GMPPB: variants seen among roughly 807,000 people sequenced by gnomAD.
GMPPB encodes mannose-1-phosphate guanylyltransferase catalytic subunit beta.
Under a neutral mutation model 40.3 loss-of-function variants are expected in GMPPB, and 38 were observed. The ratio of observed to expected loss-of-function variants is 0.94; its 90% CI spans 0.73 to 1.24. The LOEUF is 1.24. GMPPB is among the 50% of genes most tolerant of loss of function. The pLI is 0.00. For missense variants in GMPPB, 436 were observed against 487.1 expected (o/e 0.90, Z 0.99); for synonymous variants, 193 against 191.8 (o/e 1.01, Z -0.05).
chr3:49,721,307 C>A lies in GMPPB; in HGVS notation c.*445G>T, dbSNP rs2080401613. 6.2e-7 allele frequency: 1 copy of A among 1,614,164 alleles called. No homozygotes were observed. Among genetic ancestry groups the A allele is most frequent in the Non-Finnish European group, 8.5e-7 (1 of 1,180,014 alleles). On this transcript the variant is annotated 3_prime_UTR_variant, in exon 9 of 9. Transcript: ENST00000308388. ...AGTACTACCTCCTCAGCTGCCTAGC[C>A]CTCACAGCCTGTGCCATCCTGGAAC...
chr3:49,721,789 A>G lies in GMPPB; in HGVS notation c.1046T>C (p.Ile349Thr). The G allele has an allele frequency of 6.2e-7, 1 of 1,611,204 alleles. No individual in the cohort carries two copies. Among genetic ancestry groups the G allele is most frequent in the Non-Finnish European group, 8.5e-7 (1 of 1,179,786 alleles). The change falls in exon 9 of 9, where the codon ATT becomes ACT. Residue 349 changes from isoleucine to threonine, a missense_variant. Physicochemically the swap from Ile to Thr is moderately conservative, Grantham distance 89 (BLOSUM62 -1). Transcript: ENST00000308388. ...ACGAGGCTCTGGCACTGACTCGCCAATAGACTTGTGGGGCAGCACGCTGGC... is the reference window on the plus strand; with the variant it reads ...ACGAGGCTCTGGCACTGACTCGCCAGTAGACTTGTGGGGCAGCACGCTGGC... ...NGASVLPHKS[I>T]GESVPEPRII...
rs1041154706 is a variant in GMPPB at position 49,721,633 on chromosome 3, C to G, written c.*119G>C. The G allele has an allele frequency of 3.9e-6, 4 of 1,019,290 alleles. No individual in the cohort carries two copies. The highest frequency in any genetic ancestry group is 5.9e-6 in the Non-Finnish European group (4 of 681,362). 63.1% of individuals were successfully genotyped at this position (1,019,290 alleles called of 1,614,324 possible). A position where few individuals can be genotyped will look rare whatever the true frequency, so the allele number is the denominator to read the frequency against. ...TGAGAAGGCAGGTGTCCAACAGCTT[C>G]AGCTTCACCCAGTGCCCCCCAGACA... On this transcript the variant is annotated 3_prime_UTR_variant, in exon 9 of 9. Coordinates refer to ENST00000308388, the MANE Select transcript of GMPPB (RefSeq NM_021971.4).
chr3:49,722,038 C>G lies in GMPPB; in HGVS notation c.878G>C (p.Arg293Pro), dbSNP rs748809549. Residue 293 changes from arginine to proline, a missense_variant, in exon 8 of 9, where the codon CGG (arginine) becomes CCG (proline). Arg to Pro is a moderately radical substitution (Grantham distance 103). Coordinates refer to ENST00000308388, the MANE Select transcript of GMPPB (RefSeq NM_021971.4). ...GVCIRRCTVL[R>P]DARIRSHSWL... The stretch of plus-strand genomic sequence containing the variant: ...GGAATGGGAACGGATCCGGGCATCC[C>G]GCAGCACCGTGCACCGCCGGATACA... 3 of 1,613,470 alleles carry G rather than the reference C, an allele frequency of 1.9e-6. No individual in the cohort carries two copies. The African/African-American group carries it at 4.0e-5, about 22-fold the overall frequency.
At chr3:49,722,889 C>T (rs2080439789) in intron 4 of GMPPB, 83 bp downstream of exon 4, 5 of 1,535,912 alleles carry the variant, frequency 3.3e-6, no homozygotes, top group African/African-American at 1.4e-5. Context: ...CCATAACATC[C>T]GAAGGCAGAT....
In GMPPB at chr3:49,721,408, C is replaced by G; in HGVS notation, c.*344G>C. On this transcript the variant is annotated 3_prime_UTR_variant, in exon 9 of 9. Coordinates refer to ENST00000308388, the MANE Select transcript of GMPPB (RefSeq NM_021971.4). ...TGCCCTTCTCCTGTATCCCACACCA[C>G]CACATCCAACCTCCTTGCCTGCCTG... 7.0e-7 allele frequency: 1 copy of G among 1,423,314 alleles called. No homozygotes were observed. Among genetic ancestry groups the G allele is most frequent in the African/African-American group, 1.4e-5 (1 of 71,374 alleles). The allele number at this position is 1,423,314 out of a possible 1,614,324, so 88.2% of individuals were successfully genotyped here. A position where few individuals can be genotyped will look rare whatever the true frequency, so the allele number is the denominator to read the frequency against.
rs370438853 is a variant in GMPPB, at chr3:49,720,317, G to GAAAA, written c.*1431_*1434dup. On this transcript the variant is annotated 3_prime_UTR_variant, in exon 9 of 9. Transcript: ENST00000308388. ...GGCAACAGAGCGAGACTCGTCTCAA[G>GAAAA]AAAAAAAAAAAAAAAACAGGCTGTG... is the stretch of plus-strand genomic sequence containing the variant. 1.7e-4 allele frequency: 57 copies of GAAAA among 345,130 alleles called. No individual in the cohort carries two copies. Among genetic ancestry groups the GAAAA allele is most frequent in the Admixed American group, 2.2e-4 (4 of 18,476 alleles). The allele number at this position is 345,130 out of a possible 1,614,324, so 21.4% of individuals were successfully genotyped here. A position where few individuals can be genotyped will look rare whatever the true frequency, so the allele number is the denominator to read the frequency against.
Position 49,721,221 on chromosome 3 carries a change from C to T in GMPPB, c.*531G>A. On this transcript the variant is annotated 3_prime_UTR_variant, in exon 9 of 9. Coordinates refer to ENST00000308388, the MANE Select transcript of GMPPB (RefSeq NM_021971.4). ...ACCAGCACCTGATGAACAACAAGGA[C>T]TGCTTCTTCTGCAAAACCACCATCG... 6.2e-7 allele frequency: 1 copy of T among 1,614,238 alleles called. No homozygotes were observed. The highest frequency in any genetic ancestry group is 8.5e-7 in the Non-Finnish European group (1 of 1,180,032).
chr3:49,723,567 ACGCGACTCTGAT>A lies in GMPPB; in HGVS notation c.129+19_129+30del. 1 of 1,605,148 alleles carries A rather than the reference ACGCGACTCTGAT, an allele frequency of 6.2e-7. No homozygotes were observed. The highest frequency in any genetic ancestry group is 8.5e-7 in the Non-Finnish European group (1 of 1,175,494). On this transcript the variant is annotated intron_variant, in intron 1 of 8. Coordinates refer to ENST00000308388, the MANE Select transcript of GMPPB (RefSeq NM_021971.4). ...CCATCCCTAGTCCCGCCAGATCCGA[ACGCGACTCTGAT>A]CCCGACCCAGGGTCTTACCGCGGCT... is the stretch of plus-strand genomic sequence containing the variant.
chr3:49,720,677 C>A lies in GMPPB; in HGVS notation c.*1075G>T. The A allele has an allele frequency of 6.3e-7, 1 of 1,595,162 alleles. No homozygotes were observed. The highest frequency in any genetic ancestry group is 1.1e-5 in the South Asian group (1 of 89,764). ...CTGTGAGTGGGCTGGTGGGGCAGGT[C>A]AGGGAAATCTGGGGCTGGGTCGGGT... On this transcript the variant is annotated 3_prime_UTR_variant, in exon 9 of 9. Transcript: ENST00000308388.
rs1383950961 is a variant in GMPPB at position 49,721,800 on chromosome 3, G to A, written c.1035C>T (p.Pro345=). 2 of 1,611,876 alleles carry A rather than the reference G, an allele frequency of 1.2e-6. No individual in the cohort carries two copies. Among genetic ancestry groups the A allele is most frequent in the Non-Finnish European group, 1.7e-6 (2 of 1,179,908 alleles). Residue 345 remains proline (P), a synonymous_variant, in exon 9 of 9, where the codon CCC becomes CCT. Transcript: ENST00000308388. ...ELYLNGASVL[P]HKSIGESVPE... ...GCACTGACTCGCCAATAGACTTGTGGGGCAGCACGCTGGCTCCGTTGAGGT... is the reference window on the plus strand; with the variant it reads ...GCACTGACTCGCCAATAGACTTGTGAGGCAGCACGCTGGCTCCGTTGAGGT...
In GMPPB at chr3:49,720,291, G is replaced by A; in HGVS notation, c.*1461C>T. 2.6e-6 allele frequency: 1 copy of A among 377,712 alleles called. No homozygotes were observed. The highest frequency in any genetic ancestry group is 4.1e-5 in the East Asian group (1 of 24,524). The allele number at this position is 377,712 out of a possible 1,614,324, so 23.4% of individuals were successfully genotyped here. On this transcript the variant is annotated 3_prime_UTR_variant, in exon 9 of 9. Coordinates refer to ENST00000308388, the MANE Select transcript of GMPPB (RefSeq NM_021971.4). ...AGATCGTGCCATCGCACTCCAGCCT[G>A]GGCAACAGAGCGAGACTCGTCTCAA...
Position 49,723,370 on chromosome 3 carries a change from G to T in GMPPB, c.210+22C>A, listed in dbSNP as rs759457711. On this transcript the variant is annotated intron_variant, in intron 2 of 8. Coordinates refer to ENST00000308388, the MANE Select transcript of GMPPB (RefSeq NM_021971.4). ...GAAGTTGGGCGGGGACCGAGAATAA[G>T]GGCCAAGAGTCTGTGCCTCACCCTC... is the stretch of plus-strand genomic sequence containing the variant. 4 of 1,613,968 alleles carry T rather than the reference G, an allele frequency of 2.5e-6. No homozygotes were observed. The Admixed American group carries it at 6.7e-5, about 27-fold the overall frequency.
intron 4 of GMPPB, 32 bp downstream of exon 4, chr3:49,722,940 A>G (rs1244903611): frequency 1.2e-6 from 2 of 1,608,400 alleles, no homozygotes; most frequent in African/African-American, 1.3e-5. Flanking sequence ...GGAGGGTGAA[A>G]GTGTCAAGAG....
At position 49,719,955 on chromosome 3, in the gene GMPPB, G is replaced by A. The variant is rs547222837; in HGVS notation, c.*1797C>T. ...AGTGTTTATTTGAAGTGACTTTGAA[G>A]GACTGATAATATTATGGGGCAGGCA... is the stretch of plus-strand genomic sequence containing the variant. On this transcript the variant is annotated 3_prime_UTR_variant, in exon 9 of 9. Coordinates refer to ENST00000308388, the MANE Select transcript of GMPPB (RefSeq NM_021971.4). 1 of 167,326 alleles carries A rather than the reference G, an allele frequency of 6.0e-6. No homozygotes were observed. Among genetic ancestry groups the A allele is most frequent in the East Asian group, 1.8e-4 (1 of 5,562 alleles). The allele number at this position is 167,326 out of a possible 1,614,324, so 10.4% of individuals were successfully genotyped here.
rs541447888 is a variant in GMPPB at position 49,721,848 on chromosome 3, G to A, written c.987C>T (p.Asp329=). 31 of 1,613,794 alleles carry A rather than the reference G, an allele frequency of 1.9e-5. No individual in the cohort carries two copies. The highest frequency in any genetic ancestry group is 1.1e-4 in the East Asian group (5 of 44,880). The change falls in exon 9 of 9, where the codon GAC becomes GAT. Residue 329 remains aspartate (D), a synonymous_variant. Coordinates refer to ENST00000308388, the MANE Select transcript of GMPPB (RefSeq NM_021971.4). Reference sequence around the variant, plus strand: ...GGTAGAGCTCATCATTAACTATGACGTCCTCACCCAGCACTGTCACGTTCT... The same window carrying A: ...GGTAGAGCTCATCATTAACTATGACATCCTCACCCAGCACTGTCACGTTCT... ...RMENVTVLGE[D]VIVNDELYLN... is the part of the protein sequence containing the mutation.
rs1340722910 is a variant in GMPPB, at chr3:49,721,529, A to AGCCCTG, written c.*217_*222dup. The AGCCCTG allele has an allele frequency of 8.6e-6, 7 of 812,354 alleles. No individual in the cohort carries two copies. The highest frequency in any genetic ancestry group is 8.4e-5 in the African/African-American group (5 of 59,458). 50.3% of individuals were successfully genotyped at this position (812,354 alleles called of 1,614,324 possible). Reference sequence around the variant, plus strand: ...TGAGCATTAAATTATTATTCCATACAGCCCTGGCCCTGGCCCTTCTTGAGG... The same window carrying AGCCCTG: ...TGAGCATTAAATTATTATTCCATACAGCCCTGGCCCTGGCCCTGGCCCTTCTTGAGG... On this transcript the variant is annotated 3_prime_UTR_variant, in exon 9 of 9. Coordinates refer to ENST00000308388, the MANE Select transcript of GMPPB (RefSeq NM_021971.4).
chr3:49,720,630 G>C lies in GMPPB; in HGVS notation c.*1122C>G, dbSNP rs77599182. The C allele has an allele frequency of 6.2e-7, 1 of 1,601,440 alleles. No individual in the cohort carries two copies. Among genetic ancestry groups the C allele is most frequent in the Non-Finnish European group, 8.5e-7 (1 of 1,171,488 alleles). ...GGCACTGCTCTGCCAGCCCCTGACCGGAAGCGCTTCTCCCTGCAGAGCTGT... is the reference window on the plus strand; with the variant it reads ...GGCACTGCTCTGCCAGCCCCTGACCCGAAGCGCTTCTCCCTGCAGAGCTGT... On this transcript the variant is annotated 3_prime_UTR_variant, in exon 9 of 9. Coordinates refer to ENST00000308388, the MANE Select transcript of GMPPB (RefSeq NM_021971.4).
At position 49,720,306 on chromosome 3, in the gene GMPPB, ACTCGT is replaced by A. The variant is rs746735901; in HGVS notation, c.*1441_*1445del. ...ACTCCAGCCTGGGCAACAGAGCGAG[ACTCGT>A]CTCAAGAAAAAAAAAAAAAAAACAG... is the stretch of plus-strand genomic sequence containing the variant. On this transcript the variant is annotated 3_prime_UTR_variant, in exon 9 of 9. Coordinates refer to ENST00000308388, the MANE Select transcript of GMPPB (RefSeq NM_021971.4). 29 of 418,624 alleles carry A rather than the reference ACTCGT, an allele frequency of 6.9e-5. No homozygotes were observed. Among genetic ancestry groups the A allele is most frequent in the Non-Finnish European group, 1.1e-4 (26 of 242,838 alleles). The allele number at this position is 418,624 out of a possible 1,614,324, so 25.9% of individuals were successfully genotyped here.
At position 49,722,106 on chromosome 3, in the gene GMPPB, G is replaced by GCCA; in HGVS notation, c.809_810insTGG (p.Pro270_Asn271insGly). The GCCA allele has an allele frequency of 1.9e-6, 3 of 1,613,516 alleles. No individual in the cohort carries two copies. The South Asian group carries it at 3.3e-5, about 18-fold the overall frequency. ...CCACGCCAGGTCCCAGGCTCACATTGGGGCCAATGCTGCAGTTCTGGCCGA... is the reference window on the plus strand; with the variant it reads ...CCACGCCAGGTCCCAGGCTCACATTGCCAGGGCCAATGCTGCAGTTCTGGCCGA... On this transcript the variant is annotated inframe_insertion, in exon 8 of 9. Transcript: ENST00000308388.
Sources: gnomAD v4.1 joint callset for allele counts on GRCh38, gnomAD v4.1.1 for gene constraint, MANE v1.5 for transcripts, NCBI Gene and HGNC (gene_info 2026-07-23, HGNC 2026-07-21) for gene names.